The following FRMD6 variants were observed in gnomAD, a reference collection of about 807,000 sequenced individuals.
The protein encoded by FRMD6 is FERM domain-containing protein 6.
A neutral mutation model predicts 73.2 loss-of-function variants in FRMD6; 37 were observed. The ratio of observed to expected loss-of-function variants is 0.51; its 90% confidence interval spans 0.39 to 0.66. The LOEUF (loss-of-function observed/expected upper bound fraction) is 0.66, where lower values mean the gene tolerates loss of function less well. FRMD6 is among the 30% of genes least tolerant of loss of function. The probability of loss-of-function intolerance (pLI) is 0.00; values close to 1 mark genes in which losing one functional copy is unlikely to be tolerated. For synonymous variants in FRMD6, 273 were observed against 282.2 expected, an observed-to-expected ratio of 0.97 and a Z score of 0.33; for missense variants, 714 against 780.5, an observed-to-expected ratio of 0.91 and a Z score of 1.02.
At chr14:51,463,877 G>A in the FRMD6 span, among the ~76,000 whole-genome samples, 1 of 152,220 alleles carries the variant, frequency 6.6e-6, no homozygotes, top group South Asian at 2.1e-4. Context: ...GAGTGCAGTG[G>A]CATGATCACC....
chr14:51,460,167 T>C, the FRMD6 span, among the ~76,000 whole-genome samples: 1 of 152,104 alleles, frequency 6.6e-6, no homozygotes, highest in Non-Finnish European at 1.5e-5. Flanking sequence ...TGGGAATATG[T>C]TGGAGAAAAC....
At chr14:51,602,458 A>G (rs888336704) in intron 2 of FRMD6, among the ~76,000 whole-genome samples, 2 of 152,244 alleles carry the variant, frequency 1.3e-5, no homozygotes, top group Non-Finnish European at 2.9e-5. Context: ...TCACATTTCT[A>G]AATGATTAGA....
At chr14:51,454,202 G>T in the FRMD6 span, among the ~76,000 whole-genome samples, 2 of 152,198 alleles carry the variant, frequency 1.3e-5, no homozygotes, top group African/African-American at 4.8e-5. Context: ...ACTAGGAGCG[G>T]AGCCACGTAC....
At chr14:51,426,085 T>C in the FRMD6 span, among the ~76,000 whole-genome samples, 1,320 of 152,288 alleles carry the variant, frequency 8.7e-3, 21 homozygotes, top group African/African-American at 0.03. Context: ...GCCCTCATTT[T>C]TGGATTCTTG....
the FRMD6 span, among the ~76,000 whole-genome samples, chr14:51,417,922 C>T: frequency 4.1e-4 from 62 of 152,254 alleles, 1 homozygote; most frequent in Non-Finnish European, 7.4e-4. Context: ...CACTGATACC[C>T]TTTCTTCCAC....
chr14:51,641,240 C>T (rs1197379569), intron 2 of FRMD6, among the ~76,000 whole-genome samples: 1 of 152,238 alleles, frequency 6.6e-6, no homozygotes, highest in Non-Finnish European at 1.5e-5. Flanking sequence ...CTTAGCCTCC[C>T]AAAGTGCTGG....
chr14:51,642,201 G>C (rs1008753615), intron 2 of FRMD6, among the ~76,000 whole-genome samples: 2 of 152,188 alleles, frequency 1.3e-5, no homozygotes, highest in African/African-American at 4.8e-5. Context: ...CATAGTGAGA[G>C]AGAGAGAGGG....
intron 2 of FRMD6, among the ~76,000 whole-genome samples, chr14:51,591,284 A>G (rs757891491): frequency 2.0e-5 from 3 of 150,544 alleles, no homozygotes; most frequent in Non-Finnish European, 2.9e-5. Context: ...ACAAAACAAA[A>G]CAAAACAAAC....
At chr14:51,644,699 A>C (rs998216021) in intron 2 of FRMD6, among the ~76,000 whole-genome samples, 1 of 152,186 alleles carries the variant, frequency 6.6e-6, no homozygotes, top group Non-Finnish European at 1.5e-5. Context: ...TATCCTTTAA[A>C]TTGGGGTATA....
At chr14:51,413,001 T>C in the FRMD6 span, among the ~76,000 whole-genome samples, 2 of 149,426 alleles carry the variant, frequency 1.3e-5, no homozygotes, top group African/African-American at 2.5e-5. Context: ...TTTTTTTTTT[T>C]TTTTTTTTGA....
chr14:51,597,827 T>G (rs757691690), intron 2 of FRMD6, among the ~76,000 whole-genome samples: 2 of 152,224 alleles, frequency 1.3e-5, no homozygotes, highest in African/African-American at 2.4e-5. Context: ...TCAGGGCCAC[T>G]GAGAGTTCTG....
chr14:51,680,744 C>T (rs1594721195), intron 1 of FRMD6, among the ~76,000 whole-genome samples: 2 of 143,472 alleles, frequency 1.4e-5, no homozygotes, highest in Admixed American at 7.1e-5. Context: ...GCTCAATAAA[C>T]GTTTATTATT....
intron 1 of FRMD6, among the ~76,000 whole-genome samples, chr14:51,563,929 G>C (rs143641810): frequency 6.6e-6 from 1 of 152,116 alleles, no homozygotes; most frequent in African/African-American, 2.4e-5. Context: ...CTTTGCGATC[G>C]CAAGTCATAA....
chr14:51,668,724 T>A (rs956488589), intron 1 of FRMD6, among the ~76,000 whole-genome samples: 1 of 152,098 alleles, frequency 6.6e-6, no homozygotes, highest in African/African-American at 2.4e-5. Context: ...TAGAGTGCAG[T>A]GCCATAGTCT....
intron 2 of FRMD6, among the ~76,000 whole-genome samples, chr14:51,581,218 C>T (rs1173537059): frequency 6.6e-6 from 1 of 152,176 alleles, no homozygotes; most frequent in African/African-American, 2.4e-5. Flanking sequence ...TGTACAAATG[C>T]TTCTCTCTCA....
At chr14:51,609,708 C>T (rs144412917) in intron 2 of FRMD6, among the ~76,000 whole-genome samples, 45 of 152,134 alleles carry the variant, frequency 3.0e-4, no homozygotes, top group African/African-American at 1.1e-3. Context: ...GGGGGAGAGC[C>T]GACTGGCAGG....
chr14:51,442,555 G>A, the FRMD6 span, among the ~76,000 whole-genome samples: 9 of 152,098 alleles, frequency 5.9e-5, no homozygotes, highest in African/African-American at 1.9e-4. Context: ...CCTCTGCCTT[G>A]CTTGTCTTTA....
intron 1 of FRMD6, among the ~76,000 whole-genome samples, chr14:51,539,591 A>G (rs1049549190): frequency 2.4e-4 from 37 of 152,142 alleles, no homozygotes; most frequent in African/African-American, 7.2e-4. Context: ...CATACCATCT[A>G]TGTAACCAAT....
At chr14:51,650,482 G>A (rs1024238754), upstream of FRMD6, 1 of 135,664 alleles carries the variant, frequency 7.4e-6, no homozygotes, top group Non-Finnish European at 1.5e-5. Context: ...TGCAAGCTCC[G>A]CCTCCCGGGT....
Sources: gnomAD v4.1 joint callset for allele counts (sites outside exome capture counted in the v4.1 genomes callset) on GRCh38, gnomAD v4.1.1 for gene constraint, MANE v1.5 for transcripts, NCBI Gene and HGNC (gene_info 2026-07-23, HGNC 2026-07-21) for gene names.